The following SIPA1L2 variants were observed in gnomAD, a reference collection of about 807,000 sequenced individuals.
SIPA1L2 encodes signal-induced proliferation-associated 1-like protein 2.
In SIPA1L2, 56 loss-of-function variants were observed where a neutral mutation model predicts 163.9. The observed-to-expected ratio is 0.34, with a 90% CI of 0.28 to 0.43. The LOEUF (loss-of-function observed/expected upper bound fraction) is 0.43. Among genes scored for constraint, SIPA1L2 ranks in the 20% least tolerant of loss-of-function variants. The probability of loss-of-function intolerance (pLI) is 1.00; values close to 1 mark genes in which losing one functional copy is unlikely to be tolerated. For missense variants in SIPA1L2, 1,974 were observed against 2,193.5 expected, an observed-to-expected ratio of 0.90 and a Z score of 2.00; for synonymous variants, 877 against 865.7, an observed-to-expected ratio of 1.01 and a Z score of -0.23.
At chr1:232,535,933 TAG>T (rs1405945004) in intron 2 of SIPA1L2, among the ~76,000 whole-genome samples, 4 of 152,226 alleles carry the variant, frequency 2.6e-5, no homozygotes, top group Non-Finnish European at 5.9e-5. Flanking sequence ...TTAGAAATGT[TAG>T]AGTCTCAAGT....
At chr1:232,400,157 T>A (rs924385023) in intron 22 of SIPA1L2, among the ~76,000 whole-genome samples, 5 of 152,096 alleles carry the variant, frequency 3.3e-5, no homozygotes, top group Non-Finnish European at 5.9e-5. Context: ...GACCACTCAC[T>A]TTGCTGTAAG....
intron 1 of SIPA1L2, among the ~76,000 whole-genome samples, chr1:232,611,630 C>G (rs1662240804): frequency 6.6e-6 from 1 of 152,186 alleles, no homozygotes; most frequent in South Asian, 2.1e-4. Flanking sequence ...CTTTGAACTT[C>G]AGACAGAGAA....
At position 232,515,499 on chromosome 1, in the gene SIPA1L2, G is replaced by A; in HGVS notation, c.-160C>T. The A allele has an allele frequency of 1.4e-6, 1 of 713,334 alleles. No individual in the cohort carries two copies. Among genetic ancestry groups the A allele is most frequent in the South Asian group, 2.4e-5 (1 of 40,970 alleles). 44.2% of individuals were successfully genotyped at this position (713,334 alleles called of 1,614,324 possible). A position where few individuals can be genotyped will look rare whatever the true frequency, so the allele number is the denominator to read the frequency against. Reference sequence around the variant, plus strand: ...AAGCAAACAACATCCTCAGAATACAGTTTCTTCAAAGCCAACTTGCTTCTC... The same window carrying A: ...AAGCAAACAACATCCTCAGAATACAATTTCTTCAAAGCCAACTTGCTTCTC... On this transcript the variant is annotated 5_prime_UTR_variant, in exon 3 of 23. Coordinates refer to ENST00000674635, the MANE Select transcript of SIPA1L2 (RefSeq NM_020808.5).
Position 232,514,458 on chromosome 1 carries a change from C to T in SIPA1L2, c.882G>A (p.Lys294=), listed in dbSNP as rs540754751. ...SESVETSLFR[K]LRTVKSEHET... Reference sequence around the variant, plus strand: ...CGTGCTCACTTTTAACAGTTCGAAGCTTTCGGAAGAGAGATGTTTCCACCG... The same window carrying T: ...CGTGCTCACTTTTAACAGTTCGAAGTTTTCGGAAGAGAGATGTTTCCACCG... The change falls in exon 3 of 23, where the codon AAG becomes AAA. Residue 294 remains lysine (K), a synonymous_variant. Coordinates refer to ENST00000674635, the MANE Select transcript of SIPA1L2 (RefSeq NM_020808.5). 1.4e-5 allele frequency: 23 copies of T among 1,614,236 alleles called. No individual in the cohort carries two copies. The African/African-American group carries it at 3.1e-4, about 22-fold the overall frequency.
At chr1:232,411,433 G>A (rs1022134445) in intron 19 of SIPA1L2, among the ~76,000 whole-genome samples, 4 of 152,262 alleles carry the variant, frequency 2.6e-5, no homozygotes, top group African/African-American at 9.6e-5. Context: ...TGGTCCCACT[G>A]TCTTCTTCTC....
At chr1:232,451,042 TC>T (rs1663544248) in intron 10 of SIPA1L2, among the ~76,000 whole-genome samples, 1 of 152,230 alleles carries the variant, frequency 6.6e-6, no homozygotes, top group African/African-American at 2.4e-5. Context: ...TATTTTAAAA[TC>T]AAACTAATTT....
At chr1:232,602,646 T>C (rs1239207525) in intron 1 of SIPA1L2, among the ~76,000 whole-genome samples, 4 of 152,016 alleles carry the variant, frequency 2.6e-5, no homozygotes, top group Non-Finnish European at 5.9e-5. Context: ...GAAGGTTATT[T>C]AAGCAGGGAA....
chr1:232,598,177 G>A (rs928811041), intron 1 of SIPA1L2, among the ~76,000 whole-genome samples: 2 of 151,540 alleles, frequency 1.3e-5, no homozygotes, highest in Admixed American at 6.6e-5. Context: ...CAAGACAGGA[G>A]GATTGCTTGA....
At chr1:232,403,314 C>T (rs1660454347) in intron 21 of SIPA1L2, 134 bp downstream of exon 21, 7 of 1,192,414 alleles carry the variant, frequency 5.9e-6, no homozygotes, top group Non-Finnish European at 7.0e-6. Context: ...AGTCCCTTCT[C>T]TGGATTCTTC....
chr1:232,493,394 A>C, intron 4 of SIPA1L2, 133 bp downstream of exon 4: 1 of 1,215,484 alleles, frequency 8.2e-7, no homozygotes, highest in East Asian at 2.4e-5. Flanking sequence ...TGCCCTTTTT[A>C]ATTATCTTAA....
intron 2 of SIPA1L2, among the ~76,000 whole-genome samples, chr1:232,533,085 C>A (rs1206819232): frequency 3.3e-5 from 5 of 152,126 alleles, no homozygotes; most frequent in Non-Finnish European, 7.4e-5. Flanking sequence ...TGGACCAGTG[C>A]CAGGTCAGTT....
Position 232,398,717 on chromosome 1 carries a change from T to A in SIPA1L2, c.*410A>T, listed in dbSNP as rs1432478938. The A allele has an allele frequency of 6.2e-6, 1 of 162,312 alleles. No homozygotes were observed. Among genetic ancestry groups the A allele is most frequent in the African/African-American group, 2.4e-5 (1 of 41,816 alleles). 10.1% of individuals were successfully genotyped at this position (162,312 alleles called of 1,614,324 possible). A position where few individuals can be genotyped will look rare whatever the true frequency, so the allele number is the denominator to read the frequency against. ...GTATATGTCTGATTATTTGTTCTCA[T>A]GTTTATTTTACAATACTAAAGCCCA... On this transcript the variant is annotated 3_prime_UTR_variant, in exon 23 of 23. Transcript: ENST00000674635.
chr1:232,629,832 C>A (rs866736943), intron 1 of SIPA1L2, among the ~76,000 whole-genome samples, 37 bp downstream of exon 1: 4 of 152,106 alleles, frequency 2.6e-5, no homozygotes, highest in Middle Eastern at 3.4e-3. Context: ...CCGAACCGAC[C>A]CTCGCCACGC....
intron 18 of SIPA1L2, among the ~76,000 whole-genome samples, chr1:232,418,181 A>G (rs1297105903): frequency 6.6e-6 from 1 of 152,146 alleles, no homozygotes; most frequent in Non-Finnish European, 1.5e-5. Flanking sequence ...ATACAACAAG[A>G]TCCTTACTTG....
chr1:232,414,171 T>C lies in SIPA1L2; in HGVS notation c.4762+1323A>G, dbSNP rs929385168. On this transcript the variant is annotated intron_variant, in intron 19 of 22. Transcript: ENST00000674635. ...ACTGAGTGGTTTGTAAAGAAAGCAG[T>C]CTCGTTCCTTCCATTTAGGGAGCAG... Among the ~76,000 whole-genome samples the C allele has an allele frequency of 2.6e-5, 4 of 152,182 alleles. No individual in the cohort carries two copies. The South Asian group carries it at 6.2e-4, about 24-fold the overall frequency.
At chr1:232,594,055 T>C (rs10910565) in intron 1 of SIPA1L2, among the ~76,000 whole-genome samples, 24,784 of 152,112 alleles carry the variant, frequency 0.16, 2,168 homozygotes, top group Middle Eastern at 0.25. Context: ...AGCCTGACCT[T>C]AGCCCCCTAT....
intron 1 of SIPA1L2, among the ~76,000 whole-genome samples, chr1:232,604,314 G>T (rs887786433): frequency 6.6e-6 from 1 of 152,096 alleles, no homozygotes. Context: ...CACTTTTATA[G>T]TCTGTTGTAT....
At chr1:232,583,391 AAAC>A (rs1660487173) in intron 1 of SIPA1L2, among the ~76,000 whole-genome samples, 2 of 152,202 alleles carry the variant, frequency 1.3e-5, no homozygotes, top group Non-Finnish European at 2.9e-5. Context: ...TAGACAAGCA[AAAC>A]ACTAAAAATG....
chr1:232,504,406 C>T (rs1242224214), intron 3 of SIPA1L2, among the ~76,000 whole-genome samples: 3 of 150,064 alleles, frequency 2.0e-5, no homozygotes, highest in South Asian at 2.1e-4. Context: ...GGCATGGTGG[C>T]GCATGCCTGT....
Sources: gnomAD v4.1 joint callset for allele counts (sites outside exome capture counted in the v4.1 genomes callset) on GRCh38, gnomAD v4.1.1 for gene constraint, MANE v1.5 for transcripts, NCBI Gene and HGNC (gene_info 2026-07-23, HGNC 2026-07-21) for gene names.